The following ZFHX3 variants were observed in gnomAD, a reference collection of about 807,000 sequenced individuals.
ZFHX3 encodes the protein zinc finger homeobox protein 3.
ZFHX3 carries 42 observed loss-of-function variants against 279.1 expected under a neutral mutation model. That is an observed-to-expected ratio of 0.15 (90% CI 0.12 to 0.19). The LOEUF (loss-of-function observed/expected upper bound fraction) is 0.19, where lower values mean the gene tolerates loss of function less well. Ranked by LOEUF, ZFHX3 falls within the 10% of genes least tolerant of loss-of-function variation. The pLI, the probability that ZFHX3 is intolerant of heterozygous loss-of-function variation, is 1.00. For missense variants in ZFHX3, 4,981 were observed against 4,754.0 expected (o/e 1.05, Z -1.40); for synonymous variants, 2,293 against 1,957.8 (o/e 1.17, Z -4.52).
intron 2 of ZFHX3, among the ~76,000 whole-genome samples, chr16:73,474,529 C>T (rs1456230352): frequency 6.6e-6 from 1 of 152,200 alleles, no homozygotes; most frequent in East Asian, 1.9e-4. Flanking sequence ...GGTGAACTAG[C>T]ATTCCCAGAG....
intron 5 of ZFHX3, among the ~76,000 whole-genome samples, chr16:73,250,466 G>A (rs28687439): frequency 0.28 from 42,732 of 151,842 alleles, 6,914 homozygotes; most frequent in African/African-American, 0.45. Flanking sequence ...CAATTCAGTG[G>A]CATTAATTAC....
intron 1 of ZFHX3, among the ~76,000 whole-genome samples, chr16:73,726,180 C>T (rs1447565047): frequency 2.0e-5 from 3 of 152,058 alleles, no homozygotes; most frequent in South Asian, 2.1e-4. Flanking sequence ...AGTCTAGGGG[C>T]GAGGGGTGAT....
At chr16:73,317,634 G>C (rs1371125702) in intron 4 of ZFHX3, among the ~76,000 whole-genome samples, 1 of 152,186 alleles carries the variant, frequency 6.6e-6, no homozygotes, top group Admixed American at 6.5e-5. Context: ...GGAGAGGTTA[G>C]TGGCCATTGG....
chr16:72,881,492 A>G (rs549941132), intron 4 of ZFHX3, among the ~76,000 whole-genome samples: 1 of 152,340 alleles, frequency 6.6e-6, no homozygotes, highest in East Asian at 1.9e-4. Context: ...TTCTGTACGC[A>G]GAGAGATAGA....
At chr16:73,309,526 A>C (rs2015273415) in intron 4 of ZFHX3, among the ~76,000 whole-genome samples, 1 of 152,176 alleles carries the variant, frequency 6.6e-6, no homozygotes, top group African/African-American at 2.4e-5. Context: ...GGAACCCATG[A>C]GGGGGTTGTG....
intron 1 of ZFHX3, among the ~76,000 whole-genome samples, chr16:73,795,524 T>C (rs1959964963): frequency 6.6e-6 from 1 of 152,182 alleles, no homozygotes; most frequent in Non-Finnish European, 1.5e-5. Flanking sequence ...ATTAAAACCC[T>C]GAATAGAGAA....
At chr16:73,473,744 C>A (rs573189934) in intron 2 of ZFHX3, among the ~76,000 whole-genome samples, 90 of 152,304 alleles carry the variant, frequency 5.9e-4, no homozygotes, top group Non-Finnish European at 1.0e-3. Flanking sequence ...CTAAAACAAA[C>A]ACAAATTGAA....
intron 7 of ZFHX3, among the ~76,000 whole-genome samples, chr16:73,122,819 C>T (rs1180410870): frequency 2.0e-5 from 3 of 152,070 alleles, no homozygotes; most frequent in Non-Finnish European, 4.4e-5. Flanking sequence ...GCACTGCTGC[C>T]AAGCAAACAG....
intron 1 of ZFHX3, among the ~76,000 whole-genome samples, chr16:73,870,837 G>C (rs564136392): frequency 1.5e-4 from 23 of 152,278 alleles, no homozygotes; most frequent in African/African-American, 5.3e-4. Flanking sequence ...GTGGAGGAAA[G>C]ACACATAAAT....
At position 73,517,202 on chromosome 16, in the gene ZFHX3, C is replaced by A. The variant is rs140961490; in HGVS notation, c.-1546-60944G>T. Among the ~76,000 whole-genome samples, 28 of 152,292 alleles carry A rather than the reference C, an allele frequency of 1.8e-4. No individual in the cohort carries two copies. In the East Asian group the frequency reaches 5.0e-3, roughly 27 times the overall value. The stretch of plus-strand genomic sequence containing the variant: ...TTGTTCTACCGTCCATCACCTTCAA[C>A]CAGAAGCTTCCTGTGGACTACTAAA... On this transcript the variant is annotated intron_variant, in intron 2 of 17. Coordinates refer to the ZFHX3 transcript ENST00000641206.
intron 1 of ZFHX3, among the ~76,000 whole-genome samples, chr16:72,974,619 G>A (rs1015121050): frequency 1.3e-4 from 19 of 147,528 alleles, no homozygotes; most frequent in Admixed American, 9.3e-4. Flanking sequence ...TCACCAACAC[G>A]GGCACAGCGA....
At chr16:73,574,131 C>T (rs977381726) in intron 2 of ZFHX3, among the ~76,000 whole-genome samples, 2 of 152,088 alleles carry the variant, frequency 1.3e-5, no homozygotes, top group Non-Finnish European at 2.9e-5. Flanking sequence ...TTATCCCTTT[C>T]CCCTAAATGT....
intron 8 of ZFHX3, among the ~76,000 whole-genome samples, chr16:73,070,934 G>GCACA (rs761907433): frequency 8.7e-5 from 6 of 69,276 alleles, no homozygotes; most frequent in Admixed American, 1.5e-4. Context: ...GCGCGCGCGC[G>GCACA]CGCGCACACA....
intron 1 of ZFHX3, among the ~76,000 whole-genome samples, chr16:73,704,521 T>G (rs1312434248): frequency 6.6e-6 from 1 of 152,232 alleles, no homozygotes; most frequent in African/African-American, 2.4e-5. Flanking sequence ...ACAGCCGCAC[T>G]GTACTGCACA....
At chr16:72,831,327 A>G (rs1403958886) in intron 4 of ZFHX3, among the ~76,000 whole-genome samples, 1 of 152,166 alleles carries the variant, frequency 6.6e-6, no homozygotes, top group African/African-American at 2.4e-5. Flanking sequence ...CCTTACCACC[A>G]AGAGGGAGTT....
intron 1 of ZFHX3, among the ~76,000 whole-genome samples, chr16:73,744,911 T>G (rs1157853350): frequency 6.6e-6 from 1 of 152,192 alleles, no homozygotes; most frequent in Admixed American, 6.6e-5. Context: ...AATCTTGCAA[T>G]TAGCCCACAA....
At chr16:73,035,491 T>C (rs1389314851) in intron 1 of ZFHX3, among the ~76,000 whole-genome samples, 1 of 152,238 alleles carries the variant, frequency 6.6e-6, no homozygotes, top group Non-Finnish European at 1.5e-5. Flanking sequence ...ATGATACTTT[T>C]AAATGGGCTG....
At chr16:73,102,096 T>C (rs1966238973) in intron 7 of ZFHX3, among the ~76,000 whole-genome samples, 1 of 151,948 alleles carries the variant, frequency 6.6e-6, no homozygotes, top group African/African-American at 2.4e-5. Flanking sequence ...GTGTTTTTAG[T>C]AGAGACGAGG....
At chr16:72,844,863 C>T (rs974787197) in intron 4 of ZFHX3, among the ~76,000 whole-genome samples, 1 of 152,032 alleles carries the variant, frequency 6.6e-6, no homozygotes, top group Non-Finnish European at 1.5e-5. Flanking sequence ...AACCCTGCCC[C>T]GCCCCCTCCC....
Sources: gnomAD v4.1 joint callset for allele counts (sites outside exome capture counted in the v4.1 genomes callset) on GRCh38, gnomAD v4.1.1 for gene constraint, MANE v1.5 for transcripts, NCBI Gene and HGNC (gene_info 2026-07-23, HGNC 2026-07-21) for gene names.